Variants in METTL16 observed in about 807,000 individuals in gnomAD.
The protein encoded by METTL16 is methyltransferase 16, RNA N6-adenosine.
A neutral mutation model predicts 57.9 loss-of-function variants in METTL16; 19 were observed. The observed-to-expected ratio is 0.33, with a 90% confidence interval of 0.23 to 0.48. The LOEUF (loss-of-function observed/expected upper bound fraction) is 0.48, where lower values mean the gene tolerates loss of function less well. METTL16 is among the 20% of genes least tolerant of loss of function. The pLI, the probability that METTL16 is intolerant of heterozygous loss-of-function variation, is 0.99. For missense variants in METTL16, 434 were observed against 691.5 expected, an observed-to-expected ratio of 0.63 and a Z score of 4.18; for synonymous variants, 246 against 255.6, an observed-to-expected ratio of 0.96 and a Z score of 0.36.
intron 2 of METTL16, among the ~76,000 whole-genome samples, chr17:2,499,292 G>GT (rs1292750088): frequency 6.8e-6 from 1 of 147,604 alleles, no homozygotes; most frequent in Non-Finnish European, 1.5e-5. Flanking sequence ...AAGTACAATA[G>GT]TAAGTATAGA....
At chr17:2,441,362 C>A in intron 7 of METTL16, 128 bp downstream of exon 7, 1 of 582,790 alleles carries the variant, frequency 1.7e-6, no homozygotes, top group Admixed American at 4.1e-5. Context: ...ATGAATTGTT[C>A]CGGTGACAGT....
Position 2,477,885 on chromosome 17 carries a change from G to C in METTL16, c.129C>G (p.Ser43Arg), listed in dbSNP as rs1476601613. Reference protein sequence around the residue: ...HVQINLNGRVSLNFKDPEAVR... With the variant: ...HVQINLNGRVRLNFKDPEAVR... Reference sequence around the variant, plus strand: ...CTGCTTCGGGGTCTTTAAAATTAAGGCTGAGGAATAAAGAAAAGGAAGTAA... The same window carrying C: ...CTGCTTCGGGGTCTTTAAAATTAAGCCTGAGGAATAAAGAAAAGGAAGTAA... The change falls in exon 3 of 10, where the codon AGC becomes AGG. Residue 43 changes from serine to arginine, a missense_variant and splice_region_variant. Physicochemically the swap from Ser to Arg is moderately radical, Grantham distance 110 (BLOSUM62 -1). Coordinates refer to ENST00000263092, the MANE Select transcript of METTL16 (RefSeq NM_024086.4). 1 of 1,612,452 alleles carries C rather than the reference G, an allele frequency of 6.2e-7. No homozygotes were observed. The highest frequency in any genetic ancestry group is 8.5e-7 in the Non-Finnish European group (1 of 1,179,060).
intron 2 of METTL16, among the ~76,000 whole-genome samples, chr17:2,500,666 A>T (rs1284395772): frequency 6.6e-6 from 1 of 152,188 alleles, no homozygotes; most frequent in African/African-American, 2.4e-5. Flanking sequence ...CTCTCCAGGC[A>T]GGCTGGGAAT....
intron 3 of METTL16, among the ~76,000 whole-genome samples, chr17:2,474,731 G>T (rs2067258392): frequency 6.6e-6 from 1 of 152,216 alleles, no homozygotes; most frequent in South Asian, 2.1e-4. Flanking sequence ...TTCGAGGCCT[G>T]CCTGGCCAAC....
At chr17:2,474,951 C>T (rs1173607323) in intron 3 of METTL16, among the ~76,000 whole-genome samples, 1 of 151,926 alleles carries the variant, frequency 6.6e-6, no homozygotes, top group Non-Finnish European at 1.5e-5. Flanking sequence ...ACTATCTTGG[C>T]CAATTAGATC....
rs1048705040 is a variant in METTL16 at position 2,420,084 on chromosome 17, C to A, written c.1575G>T (p.Glu525Asp). 6.2e-7 allele frequency: 1 copy of A among 1,614,250 alleles called. No homozygotes were observed. Among genetic ancestry groups the A allele is most frequent in the Non-Finnish European group, 8.5e-7 (1 of 1,180,052 alleles). The change falls in exon 10 of 10, where the codon GAG (glutamate) becomes GAT (aspartate). Residue 525 changes from glutamate to aspartate, a missense_variant. Physicochemically the swap from Glu to Asp is conservative, Grantham distance 45. This residue lies in a region of METTL16 where 26 missense variants were observed against 60.7 expected (regional missense o/e 0.43). Coordinates refer to ENST00000263092, the MANE Select transcript of METTL16 (RefSeq NM_024086.4). The surrounding 1 kb of genome is among the most constrained non-coding windows in gnomAD (Gnocchi z 5.4). ...LFKCLINVKKEVDDALVEMHW... is the reference protein window; with the variant it reads ...LFKCLINVKKDVDDALVEMHW... Reference sequence around the variant, plus strand: ...GCATCTCCACTAAGGCATCGTCCACCTCCTTCTTAACGTTTATCAAACACT... The same window carrying A: ...GCATCTCCACTAAGGCATCGTCCACATCCTTCTTAACGTTTATCAAACACT...
chr17:2,511,667 C>T (rs1285455303), intron 1 of METTL16, 92 bp downstream of exon 1: 2 of 394,672 alleles, frequency 5.1e-6, no homozygotes, highest in Admixed American at 8.9e-5. Flanking sequence ...CGGCACCTCA[C>T]TAGCCCAAAA....
At chr17:2,506,255 TC>T (rs1310024245) in intron 1 of METTL16, among the ~76,000 whole-genome samples, 276 of 50,232 alleles carry the variant, frequency 5.5e-3, no homozygotes, top group African/African-American at 0.02. Flanking sequence ...TCCCTCCCCC[TC>T]CCCCTCCCTC....
chr17:2,502,966 G>A (rs2067500738), intron 1 of METTL16, among the ~76,000 whole-genome samples: 1 of 152,178 alleles, frequency 6.6e-6, no homozygotes. Flanking sequence ...GCAAGGATGT[G>A]AAGAAATTGG....
chr17:2,493,255 A>AT (rs1006370667), intron 2 of METTL16, among the ~76,000 whole-genome samples: 20 of 150,924 alleles, frequency 1.3e-4, no homozygotes, highest in Non-Finnish European at 2.4e-4. Context: ...CGCCCGGCTA[A>AT]TTTTTTTGTA....
intron 2 of METTL16, among the ~76,000 whole-genome samples, chr17:2,484,892 T>A (rs1408173266): frequency 6.6e-6 from 1 of 152,200 alleles, no homozygotes; most frequent in African/African-American, 2.4e-5. Context: ...TGTTTTCATA[T>A]GAAATGGATC....
chr17:2,491,856 C>G (rs2067395257), intron 2 of METTL16, among the ~76,000 whole-genome samples: 1 of 114,548 alleles, frequency 8.7e-6, no homozygotes, highest in South Asian at 2.7e-4. Flanking sequence ...GCCTGGGCGA[C>G]AGAGCGAGAC....
chr17:2,419,883 G>A lies in METTL16; in HGVS notation c.*87C>T. The A allele has an allele frequency of 1.3e-6, 2 of 1,481,964 alleles. No individual in the cohort carries two copies. Among genetic ancestry groups the A allele is most frequent in the Non-Finnish European group, 1.9e-6 (2 of 1,076,522 alleles). 91.8% of individuals were successfully genotyped at this position (1,481,964 alleles called of 1,614,324 possible). On this transcript the variant is annotated 3_prime_UTR_variant, in exon 10 of 10. Coordinates refer to ENST00000263092, the MANE Select transcript of METTL16 (RefSeq NM_024086.4). ...GATAATTCCACATCGTGCTACTAAT[G>A]GGCCGCTGGTAGGATTCCTCTTGCC...
rs2066716407 is a variant in METTL16 at position 2,416,454 on chromosome 17, A to G, written c.*3516T>C. 1 of 152,072 alleles carries G rather than the reference A, an allele frequency of 6.6e-6. No individual in the cohort carries two copies. The highest frequency in any genetic ancestry group is 2.1e-4 in the South Asian group (1 of 4,808). The allele number at this position is 152,072 out of a possible 1,614,324, so 9.4% of individuals were successfully genotyped here. A position where few individuals can be genotyped will look rare whatever the true frequency, so the allele number is the denominator to read the frequency against. ...AGGAAAGGCTTTATGTTTTATAAAA[A>G]ATATATACTAAAGTAATCTACACGA... is the stretch of plus-strand genomic sequence containing the variant. On this transcript the variant is annotated 3_prime_UTR_variant, in exon 10 of 10. Transcript: ENST00000263092.
In METTL16 at chr17:2,420,319, G is replaced by C. The variant is rs200014347; in HGVS notation, c.1340C>G (p.Pro447Arg). The change falls in exon 10 of 10, where the codon CCG becomes CGG. Residue 447 changes from proline (P) to arginine (R), a missense_variant. Pro to Arg is a moderately radical substitution (Grantham distance 103, BLOSUM62 -2). Coordinates refer to ENST00000263092, the MANE Select transcript of METTL16 (RefSeq NM_024086.4). The surrounding 1 kb of genome is among the most constrained non-coding windows in gnomAD (Gnocchi z 5.4). ...REGEAAAVEG[P>R]CPSQESLSQE... Reference sequence around the variant, plus strand: ...GGACAGGGACTCCTGGCTCGGGCACGGGCCCTCCACAGCGGCAGCCTCGCC... The same window carrying C: ...GGACAGGGACTCCTGGCTCGGGCACCGGCCCTCCACAGCGGCAGCCTCGCC... 1.9e-6 allele frequency: 3 copies of C among 1,612,032 alleles called. No individual in the cohort carries two copies. Among genetic ancestry groups the C allele is most frequent in the Non-Finnish European group, 2.5e-6 (3 of 1,180,018 alleles).
rs541112899 is a variant in METTL16 at position 2,437,705 on chromosome 17, AC to A, written c.888+403del. 4.4e-4 allele frequency among the ~76,000 whole-genome samples: 67 copies of A among 152,106 alleles called. 1 individual carries two copies. Among genetic ancestry groups the A allele is most frequent in the African/African-American group, 1.4e-3 (60 of 41,474 alleles). ...TAGCTGGGACTACAGGAGTGCCACCACGCCCAGCTAATTTTTGCATTTTTAG... is the reference window on the plus strand; with the variant it reads ...TAGCTGGGACTACAGGAGTGCCACCAGCCCAGCTAATTTTTGCATTTTTAG... On this transcript the variant is annotated intron_variant, in intron 8 of 9. Coordinates refer to ENST00000263092, the MANE Select transcript of METTL16 (RefSeq NM_024086.4).
At chr17:2,488,626 A>G (rs774640429) in intron 2 of METTL16, among the ~76,000 whole-genome samples, 4 of 152,240 alleles carry the variant, frequency 2.6e-5, no homozygotes, top group South Asian at 2.1e-4. Context: ...TAGAACATGG[A>G]TAAGTCTTTG....
chr17:2,418,375 G>A lies in METTL16; in HGVS notation c.*1595C>T, dbSNP rs1037129714. 6 of 152,252 alleles carry A rather than the reference G, an allele frequency of 3.9e-5. No homozygotes were observed. The highest frequency in any genetic ancestry group is 5.9e-5 in the Non-Finnish European group (4 of 68,090). 9.4% of individuals were successfully genotyped at this position (152,252 alleles called of 1,614,324 possible). On this transcript the variant is annotated 3_prime_UTR_variant, in exon 10 of 10. Coordinates refer to ENST00000263092, the MANE Select transcript of METTL16 (RefSeq NM_024086.4). ...GGAGGCCAAGGTGGGCGGATCACCC[G>A]AGATCATGAGTTCGAGATTAGCCTG... is the stretch of plus-strand genomic sequence containing the variant.
At chr17:2,458,883 T>C (rs898975647) in intron 6 of METTL16, among the ~76,000 whole-genome samples, 1 of 151,802 alleles carries the variant, frequency 6.6e-6, no homozygotes, top group Non-Finnish European at 1.5e-5. Context: ...CTCGGCTTAC[T>C]GTAGCCTCGA....
Sources: allele counts gnomAD v4.1 joint callset (sites outside exome capture counted in the v4.1 genomes callset), GRCh38; gene constraint gnomAD v4.1.1; regional missense constraint gnomAD v4.1.1; non-coding constraint Gnocchi (gnomAD v3.1); transcripts MANE v1.5; gene names NCBI Gene and HGNC (gene_info 2026-07-23, HGNC 2026-07-21).